IMPG2: variants seen among roughly 807,000 people sequenced by gnomAD.
IMPG2 encodes IPM 200.
Under a neutral mutation model 129.2 loss-of-function variants are expected in IMPG2, and 91 were observed. That is an observed-to-expected ratio of 0.70 (90% CI 0.59 to 0.84). IMPG2 has a LOEUF of 0.84. Ranked by LOEUF, IMPG2 falls within the 40% of genes least tolerant of loss-of-function variation. The pLI, the probability that IMPG2 is intolerant of heterozygous loss-of-function variation, is 0.00. For missense variants in IMPG2, 1,430 were observed against 1,461.7 expected (o/e 0.98, Z 0.35); for synonymous variants, 510 against 517.7 (o/e 0.99, Z 0.20).
intron 14 of IMPG2, among the ~76,000 whole-genome samples, chr3:101,240,430 TTAAAAA>T (rs1334958774): frequency 6.6e-6 from 1 of 152,136 alleles, no homozygotes; most frequent in East Asian, 1.9e-4. Context: ...GTAATTCTGT[TTAAAAA>T]TAAGTAGATT....
chr3:101,237,641 G>A (rs571691835), intron 14 of IMPG2, among the ~76,000 whole-genome samples: 1 of 152,164 alleles, frequency 6.6e-6, no homozygotes, highest in South Asian at 2.1e-4. Flanking sequence ...CTGTTAGAAG[G>A]GAAATTAACA....
At chr3:101,244,903 G>T in intron 12 of IMPG2, 116 bp from the exon 13 acceptor site, 1 of 874,744 alleles carries the variant, frequency 1.1e-6, no homozygotes, top group South Asian at 1.5e-5. Flanking sequence ...GACAATTGTT[G>T]ACTTTTGCTT....
intron 17 of IMPG2, 43 bp downstream of exon 17, chr3:101,229,337 C>G (rs112448579): frequency 9.6e-6 from 13 of 1,348,974 alleles, no homozygotes; most frequent in Non-Finnish European, 1.4e-5. Flanking sequence ...CACACACACA[C>G]CAGCAGTAGC....
At chr3:101,309,999 G>A (rs73863040) in intron 2 of IMPG2, among the ~76,000 whole-genome samples, 2,935 of 152,250 alleles carry the variant, frequency 0.019, 102 homozygotes, top group African/African-American at 0.067. Flanking sequence ...ATGGTTCAAA[G>A]AGTGGTCACA....
rs542382402 is a variant in IMPG2, at chr3:101,296,292, G to A, written c.502-4782C>T. Among the ~76,000 whole-genome samples, 10 of 152,186 alleles carry A rather than the reference G, an allele frequency of 6.6e-5. No individual in the cohort carries two copies. In the South Asian group the frequency reaches 1.7e-3, roughly 25 times the overall value. On this transcript the variant is annotated intron_variant, in intron 3 of 18. Coordinates refer to ENST00000193391, the MANE Select transcript of IMPG2 (RefSeq NM_016247.4). ...GCAGGAAGGGCCGTTGAATTTTGTC[G>A]AAGGCCTTTTCTGCATCTATTGAGA...
chr3:101,289,600 G>A (rs1345221658), intron 4 of IMPG2, among the ~76,000 whole-genome samples: 1 of 152,098 alleles, frequency 6.6e-6, no homozygotes, highest in Non-Finnish European at 1.5e-5. Flanking sequence ...AGTTTGAGAA[G>A]GAAACTGAGA....
chr3:101,236,783 G>A (rs1303868367), intron 14 of IMPG2, among the ~76,000 whole-genome samples: 1 of 152,224 alleles, frequency 6.6e-6, no homozygotes, highest in African/African-American at 2.4e-5. Flanking sequence ...CATTTGCACA[G>A]ACACCAAGCT....
chr3:101,289,123 C>A (rs1706977769), intron 4 of IMPG2, among the ~76,000 whole-genome samples: 1 of 152,084 alleles, frequency 6.6e-6, no homozygotes, highest in Non-Finnish European at 1.5e-5. Context: ...CCTACAGAAA[C>A]CTGCTAAAGG....
In IMPG2 at chr3:101,243,648, T is replaced by C. The variant is rs1706434635; in HGVS notation, c.2683A>G (p.Thr895Ala). 2 of 1,613,994 alleles carry C rather than the reference T, an allele frequency of 1.2e-6. No individual in the cohort carries two copies. Among genetic ancestry groups the C allele is most frequent in the Non-Finnish European group, 1.7e-6 (2 of 1,179,976 alleles). Residue 895 changes from threonine to alanine, a missense_variant, in exon 13 of 19, where the codon ACT (threonine) becomes GCT (alanine). Thr to Ala is a moderately conservative substitution (Grantham distance 58). Transcript: ENST00000193391. ...EGGDDLSYTQ[T>A]SGALVVFFSL... ...AAGAAAACCACCAAAGCTCCTGAAG[T>C]CTGGGTATAACTCAAGTCATCTCCT...
chr3:101,298,062 T>C (rs1000182627), intron 3 of IMPG2, among the ~76,000 whole-genome samples: 37 of 152,212 alleles, frequency 2.4e-4, no homozygotes, highest in African/African-American at 8.2e-4. Flanking sequence ...CAAGAACTTG[T>C]TTTATGAATC....
intron 2 of IMPG2, among the ~76,000 whole-genome samples, chr3:101,318,508 T>C (rs190074913): frequency 1.3e-5 from 2 of 152,160 alleles, no homozygotes; most frequent in Admixed American, 1.3e-4. Context: ...TGGTATTATA[T>C]TAAATTTTTA....
Position 101,227,121 on chromosome 3 carries a change from T to C in IMPG2, c.3714-140A>G, listed in dbSNP as rs562077746. The stretch of plus-strand genomic sequence containing the variant: ...TTTTTCTTTATTTGAAGGAAAGTTG[T>C]TCTGTTCTGTGCTAAAAATTTTTTT... On this transcript the variant is annotated intron_variant, in intron 18 of 18. Transcript: ENST00000193391. 53 of 990,814 alleles carry C rather than the reference T, an allele frequency of 5.3e-5. No individual in the cohort carries two copies. In the African/African-American group the frequency reaches 8.1e-4, roughly 15 times the overall value. 61.4% of individuals were successfully genotyped at this position (990,814 alleles called of 1,614,324 possible).
chr3:101,313,504 G>A (rs1045510374), intron 2 of IMPG2, among the ~76,000 whole-genome samples: 4 of 152,002 alleles, frequency 2.6e-5, no homozygotes, highest in Non-Finnish European at 4.4e-5. Flanking sequence ...TGTACAAATG[G>A]GCTCTCTTCT....
chr3:101,222,733 A>C lies in IMPG2; in HGVS notation c.*4236T>G, dbSNP rs192376511. ...TTCAAACCCTGGATAAAATGTCATTATAAACAAGGTGAAAAAGAAAAGTCC... is the reference window on the plus strand; with the variant it reads ...TTCAAACCCTGGATAAAATGTCATTCTAAACAAGGTGAAAAAGAAAAGTCC... On this transcript the variant is annotated 3_prime_UTR_variant, in exon 19 of 19. Coordinates refer to ENST00000193391, the MANE Select transcript of IMPG2 (RefSeq NM_016247.4). 2.0e-3 allele frequency: 312 copies of C among 152,346 alleles called. 1 individual carries two copies. Among genetic ancestry groups the C allele is most frequent in the African/African-American group, 7.2e-3 (300 of 41,600 alleles). The allele number at this position is 152,346 out of a possible 1,614,324, so 9.4% of individuals were successfully genotyped here. A position where few individuals can be genotyped will look rare whatever the true frequency, so the allele number is the denominator to read the frequency against.
intron 14 of IMPG2, among the ~76,000 whole-genome samples, chr3:101,242,264 G>A (rs1706417069): frequency 6.6e-6 from 1 of 152,172 alleles, no homozygotes; most frequent in Non-Finnish European, 1.5e-5. Context: ...TGGAGGTTAT[G>A]AGAGATGTTT....
chr3:101,286,781 T>C (rs905153167), intron 4 of IMPG2, among the ~76,000 whole-genome samples: 37 of 152,162 alleles, frequency 2.4e-4, no homozygotes, highest in Admixed American at 2.4e-3. Flanking sequence ...AAGGAGAGAA[T>C]GAAGGTGTTT....
intron 16 of IMPG2, among the ~76,000 whole-genome samples, chr3:101,230,350 T>G (rs959947850): frequency 6.6e-6 from 1 of 152,200 alleles, no homozygotes; most frequent in Non-Finnish European, 1.5e-5. Context: ...AAGCAACACC[T>G]AACTAAACAG....
chr3:101,278,733 CT>C (rs1469230751), intron 4 of IMPG2, among the ~76,000 whole-genome samples: 1 of 151,028 alleles, frequency 6.6e-6, no homozygotes, highest in Non-Finnish European at 1.5e-5. Context: ...CCATAAAGAT[CT>C]TTCTGGTTTT....
At position 101,319,573 on chromosome 3, in the gene IMPG2, T is replaced by G. The variant is rs752469829; in HGVS notation, c.334+11A>C. 1 of 1,613,030 alleles carries G rather than the reference T, an allele frequency of 6.2e-7. No individual in the cohort carries two copies. The highest frequency in any genetic ancestry group is 1.3e-5 in the African/African-American group (1 of 74,892). ...TCATTATGGAGCTGAAGGATTTGGA[T>G]GTTCGCTTACCTCGGACTTTAAAAT... On this transcript the variant is annotated intron_variant, in intron 2 of 18. Transcript: ENST00000193391.
Sources: gnomAD v4.1 joint callset for allele counts (sites outside exome capture counted in the v4.1 genomes callset) on GRCh38, gnomAD v4.1.1 for gene constraint, MANE v1.5 for transcripts, NCBI Gene and HGNC (gene_info 2026-07-23, HGNC 2026-07-21) for gene names.